RNF213: variants seen among roughly 807,000 people sequenced by gnomAD.
RNF213 encodes ring finger protein 213.
In RNF213, 341 loss-of-function variants were observed where a neutral mutation model predicts 514.4. The observed-to-expected ratio is 0.66, with a 90% confidence interval of 0.61 to 0.73. The LOEUF is 0.73. Ranked by LOEUF, RNF213 falls within the 30% of genes least tolerant of loss-of-function variation. The pLI is 0.00. For synonymous variants in RNF213, 2,655 were observed against 2,658.2 expected (o/e 1.00, Z 0.04); for missense variants, 5,767 against 6,615.6 (o/e 0.87, Z 4.45).
Position 80,273,275 on chromosome 17 carries a change from C to T in RNF213, c.132C>T (p.Ala44=), listed in dbSNP as rs1221245844. The T allele has an allele frequency of 8.7e-6, 14 of 1,613,596 alleles. No homozygotes were observed. Among genetic ancestry groups the T allele is most frequent in the Non-Finnish European group, 1.2e-5 (14 of 1,180,002 alleles). ...SENNNSTMAS[A]SEGEMECGQE... ...ACAATAACTCCACAATGGCGTCGGC[C>T]TCGGAGGGTGAAATGGAGTGTGGGC... Residue 44 remains alanine, a synonymous_variant, in exon 3 of 68, where the codon GCC becomes GCT. Transcript: ENST00000582970.
rs748186436 is a variant in RNF213 at position 80,343,314 on chromosome 17, G to A, written c.6172G>A (p.Val2058Met). 22 of 1,611,790 alleles carry A rather than the reference G, an allele frequency of 1.4e-5. No individual in the cohort carries two copies. In the Middle Eastern group the frequency reaches 8.0e-4, roughly 59 times the overall value. The change falls in exon 27 of 68, where the codon GTG (valine) becomes ATG (methionine). Residue 2058 changes from valine (V) to methionine (M), a missense_variant. Physicochemically the swap from Val to Met is conservative, Grantham distance 21. Coordinates refer to ENST00000582970, the MANE Select transcript of RNF213 (RefSeq NM_001256071.3). This position sits in a 1 kb window ranked among gnomAD's most constrained non-coding sequence, Gnocchi z 4.3. ...GGTCCCCGTGCTCTTTCACCTGGAC[G>A]TGACCTCCTCAGTAAGTGCCCTCCA... Reference protein sequence around the residue: ...QKVPVLFHLDVTSSVQTGIWV... With the variant: ...QKVPVLFHLDMTSSVQTGIWV...
At chr17:80,359,579 G>A (rs1307996928) in intron 37 of RNF213, among the ~76,000 whole-genome samples, 6 of 142,154 alleles carry the variant, frequency 4.2e-5, no homozygotes, top group Non-Finnish European at 6.1e-5. Context: ...GAGACAGAAG[G>A]AAGAAAGAGA....
intron 6 of RNF213, among the ~76,000 whole-genome samples, 200 bp from the exon 7 acceptor site, chr17:80,290,370 T>C (rs1432348717): frequency 1.3e-5 from 2 of 150,796 alleles, no homozygotes; most frequent in South Asian, 4.2e-4. Flanking sequence ...TGTGCGTGTG[T>C]GAGTGCGTGC....
rs1464772048 is a variant in RNF213, at chr17:80,383,877, A to G, written c.14271A>G (p.Glu4757=). The part of the protein sequence containing the change: ...ITVEYLQHIV[E]QKNGKERVPI... Reference sequence around the variant, plus strand: ...TTGAGTACCTCCAGCACATTGTGGAACAGAAAAATGGCAAAGAAAGAGTGC... The same window carrying G: ...TTGAGTACCTCCAGCACATTGTGGAGCAGAAAAATGGCAAAGAAAGAGTGC... The change falls in exon 59 of 68, where the codon GAA becomes GAG. Residue 4757 remains glutamate, a synonymous_variant. Transcript: ENST00000582970. The G allele has an allele frequency of 6.2e-7, 1 of 1,614,212 alleles. No individual in the cohort carries two copies. The highest frequency in any genetic ancestry group is 1.7e-5 in the Admixed American group (1 of 60,024).
At chr17:80,380,210 C>T (rs1191874675) in intron 55 of RNF213, among the ~76,000 whole-genome samples, 1 of 152,198 alleles carries the variant, frequency 6.6e-6, no homozygotes, top group Non-Finnish European at 1.5e-5. Context: ...AATCCGATCC[C>T]ACAATCCCAT....
At position 80,340,221 on chromosome 17, in the gene RNF213, C is replaced by G. The variant is rs1568094533; in HGVS notation, c.5854C>G (p.Pro1952Ala). Residue 1952 changes from proline to alanine, a missense_variant, in exon 26 of 68, where the codon CCC (proline) becomes GCC (alanine). Transcript: ENST00000582970. ...CAGCCAGCACAAGGTCTTCGTCACC[C>G]CCCAGGCACCCCTCGAGGCCATCCA... The part of the protein sequence containing the change: ...AFSQHKVFVT[P>A]QAPLEAIQAY... 6.2e-7 allele frequency: 1 copy of G among 1,614,196 alleles called. No homozygotes were observed. Among genetic ancestry groups the G allele is most frequent in the Admixed American group, 1.7e-5 (1 of 60,026 alleles).
At position 80,273,821 on chromosome 17, in the gene RNF213, T is replaced by C. The variant is rs112706267; in HGVS notation, c.261+417T>C. The stretch of plus-strand genomic sequence containing the variant: ...ATTTAGTAGAGACGGGGTTTCACCA[T>C]GTTGGTCAGGTTGGTCTCAAACTCC... On this transcript the variant is annotated intron_variant, in intron 3 of 67. Transcript: ENST00000582970. Among the ~76,000 whole-genome samples, 1,409 of 152,072 alleles carry C rather than the reference T, an allele frequency of 9.3e-3. 21 individuals are homozygous for C. Among genetic ancestry groups the C allele is most frequent in the African/African-American group, 0.031 (1,296 of 41,472 alleles).
Position 80,295,786 on chromosome 17 carries a change from T to TA in RNF213, c.1987dup (p.Ser663LysfsTer54). The TA allele has an allele frequency of 6.2e-7, 1 of 1,614,198 alleles. No individual in the cohort carries two copies. The highest frequency in any genetic ancestry group is 1.1e-5 in the South Asian group (1 of 91,078). The stretch of plus-strand genomic sequence containing the variant: ...TCACCAGATGAGTTTCACCGTGACC[T>TA]AAGCCACATCCTTGGGATACCTCAG... On this transcript the variant is annotated frameshift_variant, in exon 10 of 68. Coordinates refer to ENST00000582970, the MANE Select transcript of RNF213 (RefSeq NM_001256071.3). LOFTEE classifies it high-confidence loss of function.
intron 15 of RNF213, among the ~76,000 whole-genome samples, chr17:80,313,689 G>A (rs1363188122): frequency 6.7e-6 from 1 of 150,054 alleles, no homozygotes; most frequent in Non-Finnish European, 1.5e-5. Context: ...GGTGATGGTG[G>A]TGGTGAAGGG....
intron 25 of RNF213, 145 bp from the exon 26 acceptor site, chr17:80,339,056 A>ACTC: frequency 2.7e-6 from 1 of 364,056 alleles, no homozygotes; most frequent in South Asian, 1.7e-4. Context: ...TGTGTAGATG[A>ACTC]GGAGGGAGGC....
chr17:80,284,608 A>G (rs371125777), intron 3 of RNF213, among the ~76,000 whole-genome samples: 5 of 151,936 alleles, frequency 3.3e-5, no homozygotes, highest in African/African-American at 9.7e-5. Context: ...CACCTTTCTA[A>G]TCCCATTGAG....
In RNF213 at chr17:80,393,341, T is replaced by A; in HGVS notation, c.15471-4T>A. The A allele has an allele frequency of 6.2e-7, 1 of 1,613,842 alleles. No homozygotes were observed. Among genetic ancestry groups the A allele is most frequent in the Non-Finnish European group, 8.5e-7 (1 of 1,179,920 alleles). On this transcript the variant is annotated splice_region_variant and splice_polypyrimidine_tract_variant and intron_variant, in intron 67 of 67. Coordinates refer to ENST00000582970, the MANE Select transcript of RNF213 (RefSeq NM_001256071.3). Reference sequence around the variant, plus strand: ...TTTAAATGCTCTCTTCTTTGGTTTTTCAGCCTGAGAGACACTCTCGTAAGT... The same window carrying A: ...TTTAAATGCTCTCTTCTTTGGTTTTACAGCCTGAGAGACACTCTCGTAAGT...
chr17:80,390,796 G>T (rs983482430), intron 67 of RNF213, among the ~76,000 whole-genome samples: 2 of 152,098 alleles, frequency 1.3e-5, no homozygotes, highest in African/African-American at 4.8e-5. Flanking sequence ...GGGTGTGGAG[G>T]CTTACCCTGT....
In RNF213 at chr17:80,377,887, C is replaced by A. The variant is rs761001833; in HGVS notation, c.13545+91C>A. On this transcript the variant is annotated intron_variant, in intron 54 of 67. Transcript: ENST00000582970. This position sits in a 1 kb window ranked among gnomAD's most constrained non-coding sequence, Gnocchi z 4.1. Reference sequence around the variant, plus strand: ...TCGTGGGTCAGGAGAGTGAGGCTCTCGGCCTTCCAGGAGAGCACAGGCTCA... The same window carrying A: ...TCGTGGGTCAGGAGAGTGAGGCTCTAGGCCTTCCAGGAGAGCACAGGCTCA... 7.6e-6 allele frequency: 11 copies of A among 1,455,904 alleles called. No individual in the cohort carries two copies. The highest frequency in any genetic ancestry group is 1.4e-5 in the African/African-American group (1 of 71,770). The allele number at this position is 1,455,904 out of a possible 1,614,324, so 90.2% of individuals were successfully genotyped here. A position where few individuals can be genotyped will look rare whatever the true frequency, so the allele number is the denominator to read the frequency against.
chr17:80,332,199 G>C lies in RNF213; in HGVS notation c.3711G>C (p.Trp1237Cys), dbSNP rs1370309085. ...ACAGCCACATCTTCCAGCTCTTCTGGCGGGAAGCCGCAGAGCCGCTGAGTG... is the reference window on the plus strand; with the variant it reads ...ACAGCCACATCTTCCAGCTCTTCTGCCGGGAAGCCGCAGAGCCGCTGAGTG... ...LRDSHIFQLF[W>C]REAAEPLSEP... is the part of the protein sequence containing the mutation. The change falls in exon 21 of 68, where the codon TGG becomes TGC. Residue 1237 changes from tryptophan (W) to cysteine (C), a missense_variant. Around this residue, in one of 13 missense-constraint regions of RNF213, gnomAD observed 516 missense variants for 566.5 expected, o/e 0.91. Transcript: ENST00000582970. 2.0e-6 allele frequency: 3 copies of C among 1,537,172 alleles called. No homozygotes were observed. Among genetic ancestry groups the C allele is most frequent in the Admixed American group, 3.9e-5 (2 of 51,006 alleles).
intron 67 of RNF213, 77 bp from the exon 68 acceptor site, chr17:80,393,268 A>C (rs762326745): frequency 4.2e-6 from 5 of 1,178,336 alleles, no homozygotes; most frequent in East Asian, 2.3e-5. Context: ...CACGTGAGCC[A>C]CACAGTGCTG....
At chr17:80,298,691 A>C (rs2045055418) in intron 11 of RNF213, 173 bp downstream of exon 11, 2 of 716,452 alleles carry the variant, frequency 2.8e-6, no homozygotes, top group Non-Finnish European at 4.7e-6. Flanking sequence ...TAGGCTGTGC[A>C]CAGTGGCTCA....
rs1372346682 is a variant in RNF213, at chr17:80,346,934, G to A, written c.8599G>A (p.Gly2867Arg). 8.7e-6 allele frequency: 14 copies of A among 1,614,010 alleles called. No homozygotes were observed. Among genetic ancestry groups the A allele is most frequent in the African/African-American group, 1.3e-5 (1 of 75,042 alleles). ...LKTLHPLLED[G>R]CIEDDPAPHK... ...GACTCTGCACCCGCTGCTGGAAGAC[G>A]GATGCATTGAAGACGATCCCGCCCC... Residue 2867 changes from glycine (G) to arginine (R), a missense_variant, in exon 29 of 68, where the codon GGA (glycine) becomes AGA (arginine). Gly to Arg is a moderately radical substitution (Grantham distance 125). This residue lies in a region of RNF213 where 105 missense variants were observed against 183.9 expected (regional missense o/e 0.57). Transcript: ENST00000582970. The surrounding 1 kb of genome is among the most constrained non-coding windows in gnomAD (Gnocchi z 8.1).
In RNF213 at chr17:80,287,820, A is replaced by G; in HGVS notation, c.267A>G (p.Lys89=). The change falls in exon 4 of 68, where the codon AAA becomes AAG. Residue 89 remains lysine, a synonymous_variant. Transcript: ENST00000582970. The stretch of plus-strand genomic sequence containing the variant: ...GTGTCTCTCTTTCTGTTTAGAGCAA[A>G]AAGAAGAAAAGGAAGAAGAAAAAGA... ...SKASWTVQES[K]KKKRKKKKKG... The G allele has an allele frequency of 1.9e-6, 3 of 1,613,472 alleles. No homozygotes were observed. Among genetic ancestry groups the G allele is most frequent in the Non-Finnish European group, 2.5e-6 (3 of 1,179,660 alleles).
Sources: gnomAD v4.1 joint callset for allele counts (sites outside exome capture counted in the v4.1 genomes callset) on GRCh38, gnomAD v4.1.1 for gene constraint, gnomAD v4.1.1 regional missense constraint, Gnocchi (gnomAD v3.1) non-coding constraint, MANE v1.5 for transcripts, NCBI Gene and HGNC (gene_info 2026-07-23, HGNC 2026-07-21) for gene names.